Variants in RBSN observed in about 807,000 individuals in gnomAD.
RBSN encodes the protein rabenosyn, RAB effector, also known as rabenosyn-5.
Under a neutral mutation model 60.5 loss-of-function variants are expected in RBSN, and 34 were observed. That is an observed-to-expected ratio of 0.56 (90% confidence interval 0.43 to 0.75). The LOEUF is 0.75. Ranked by LOEUF, RBSN falls within the 30% of genes least tolerant of loss-of-function variation. RBSN has a pLI of 0.00. For missense variants in RBSN, 845 were observed against 986.8 expected, an observed-to-expected ratio of 0.86 and a Z score of 1.92; for synonymous variants, 322 against 366.9, an observed-to-expected ratio of 0.88 and a Z score of 1.40.
At chr3:15,079,538 C>A (rs2043148912) in intron 10 of RBSN, among the ~76,000 whole-genome samples, 1 of 152,000 alleles carries the variant, frequency 6.6e-6, no homozygotes, top group Non-Finnish European at 1.5e-5. Flanking sequence ...TGGAAAAAAC[C>A]CAAATGTTCA....
intron 9 of RBSN, chr3:15,081,174 C>T (rs2043197724): frequency 2.9e-5 from 5 of 172,900 alleles, no homozygotes; most frequent in Non-Finnish European, 6.2e-5. Flanking sequence ...GCCACCACGC[C>T]CGGCTAATTT....
intron 5 of RBSN, among the ~76,000 whole-genome samples, chr3:15,088,013 C>T (rs2043394246): frequency 1.3e-5 from 2 of 152,220 alleles, no homozygotes; most frequent in South Asian, 4.1e-4. Flanking sequence ...TTAGGGGTGA[C>T]CATAAATATT....
intron 4 of RBSN, among the ~76,000 whole-genome samples, chr3:15,095,013 CGT>C (rs1319531682): frequency 2.0e-5 from 3 of 148,450 alleles, no homozygotes; most frequent in Middle Eastern, 8.2e-3. Flanking sequence ...GCATCTTTGG[CGT>C]GTGTGTGTTT....
At chr3:15,089,619 T>C (rs563194058) in intron 5 of RBSN, among the ~76,000 whole-genome samples, 100 of 151,606 alleles carry the variant, frequency 6.6e-4, no homozygotes, top group African/African-American at 2.2e-3. Context: ...TTTTCTTTTT[T>C]TTTTTTCTTG....
Position 15,074,098 on chromosome 3 carries a change from A to G in RBSN, c.2039T>C (p.Ile680Thr). The change falls in exon 14 of 14, where the codon ATT (isoleucine) becomes ACT (threonine). Residue 680 changes from isoleucine (I) to threonine (T), a missense_variant. By Grantham distance (89) the Ile-to-Thr change is moderately conservative. Coordinates refer to ENST00000253699, the MANE Select transcript of RBSN (RefSeq NM_022340.4). This position sits in a 1 kb window ranked among gnomAD's most constrained non-coding sequence, Gnocchi z 6.4. Reference protein sequence around the residue: ...EEEAVAGNPFIQPDSPAPNPF... With the variant: ...EEEAVAGNPFTQPDSPAPNPF... ...GTTAGGAGCTGGGCTGTCTGGCTGAATGAATGGATTCCCTGCCACTGCTTC... is the reference window on the plus strand; with the variant it reads ...GTTAGGAGCTGGGCTGTCTGGCTGAGTGAATGGATTCCCTGCCACTGCTTC... 6.2e-7 allele frequency: 1 copy of G among 1,613,932 alleles called. No individual in the cohort carries two copies. The highest frequency in any genetic ancestry group is 2.2e-5 in the East Asian group (1 of 44,858).
chr3:15,084,224 TTC>T lies in RBSN; in HGVS notation c.598+509_598+510del, dbSNP rs2043280477. Reference sequence around the variant, plus strand: ...GCCTTCACCTCCCAGGTTCAAGCAATTCTCCTGCCTCAGCCTCCTGAGTAGCT... The same window carrying T: ...GCCTTCACCTCCCAGGTTCAAGCAATTCCTGCCTCAGCCTCCTGAGTAGCT... On this transcript the variant is annotated intron_variant, in intron 8 of 13. Coordinates refer to ENST00000253699, the MANE Select transcript of RBSN (RefSeq NM_022340.4). This position sits in a 1 kb window ranked among gnomAD's most constrained non-coding sequence, Gnocchi z 4.2. Among the ~76,000 whole-genome samples the T allele has an allele frequency of 6.6e-6, 1 of 152,210 alleles. No individual in the cohort carries two copies. The highest frequency in any genetic ancestry group is 1.5e-5 in the Non-Finnish European group (1 of 68,034).
chr3:15,087,567 T>C lies in RBSN; in HGVS notation c.290-1606A>G, dbSNP rs191320916. On this transcript the variant is annotated intron_variant, in intron 5 of 13. Transcript: ENST00000253699. ...ACCTTATACAACAGATCTCTTGACTTATTCCTCCCGGCTGAAATTTTGTAT... is the reference window on the plus strand; with the variant it reads ...ACCTTATACAACAGATCTCTTGACTCATTCCTCCCGGCTGAAATTTTGTAT... Among the ~76,000 whole-genome samples the C allele has an allele frequency of 2.6e-5, 4 of 152,290 alleles. No individual in the cohort carries two copies. In the East Asian group the frequency reaches 7.7e-4, roughly 29 times the overall value.
At chr3:15,091,452 G>A (rs116248371) in intron 4 of RBSN, 1,384 of 1,285,890 alleles carry the variant, frequency 1.1e-3, no homozygotes, top group Non-Finnish European at 1.4e-3. Context: ...TTGAATGCAT[G>A]TGAGAATACT....
Position 15,085,981 on chromosome 3 carries a change from G to A in RBSN, c.290-20C>T. 1 of 1,590,808 alleles carries A rather than the reference G, an allele frequency of 6.3e-7. No homozygotes were observed. Among genetic ancestry groups the A allele is most frequent in the Non-Finnish European group, 8.6e-7 (1 of 1,164,328 alleles). ...CAGCACCTAGAGGGAAGGAAGGTAG[G>A]GAGACAAATGACTTATAGTTTCTCT... On this transcript the variant is annotated intron_variant, in intron 5 of 13. Coordinates refer to ENST00000253699, the MANE Select transcript of RBSN (RefSeq NM_022340.4).
At position 15,080,587 on chromosome 3, in the gene RBSN, A is replaced by G; in HGVS notation, c.911+145T>C. On this transcript the variant is annotated intron_variant, in intron 10 of 13. Transcript: ENST00000253699. ...AAGATGATTCTCTTCATAATAGCCA[A>G]AAGTGGAAAAAAACCAACTTCAGCT... 5.4e-6 allele frequency: 4 copies of G among 735,926 alleles called. No individual in the cohort carries two copies. In the South Asian group the frequency reaches 6.8e-5, roughly 13 times the overall value. 45.6% of individuals were successfully genotyped at this position (735,926 alleles called of 1,614,324 possible). A position where few individuals can be genotyped will look rare whatever the true frequency, so the allele number is the denominator to read the frequency against.
At chr3:15,088,828 T>C (rs1200292348) in intron 5 of RBSN, among the ~76,000 whole-genome samples, 2 of 152,248 alleles carry the variant, frequency 1.3e-5, no homozygotes, top group Non-Finnish European at 2.9e-5. Flanking sequence ...TTTTATTTCA[T>C]TTAAATTTAT....
rs2042927664 is a variant in RBSN at position 15,071,563 on chromosome 3, T to C, written c.*2219A>G. The stretch of plus-strand genomic sequence containing the variant: ...TCATTAACACACTCATATGGCTGTT[T>C]GTGAACAGATCCCAAATGCAAAGCG... On this transcript the variant is annotated 3_prime_UTR_variant, in exon 14 of 14. Transcript: ENST00000253699. The C allele has an allele frequency of 6.6e-6, 1 of 152,246 alleles. No homozygotes were observed. The highest frequency in any genetic ancestry group is 2.1e-4 in the South Asian group (1 of 4,834). The allele number at this position is 152,246 out of a possible 1,614,324, so 9.4% of individuals were successfully genotyped here.
At chr3:15,076,473 TA>T (rs1038943861) in intron 12 of RBSN, among the ~76,000 whole-genome samples, 2 of 151,154 alleles carry the variant, frequency 1.3e-5, no homozygotes, top group African/African-American at 2.4e-5. Context: ...TGTTTTAATT[TA>T]AAAAAAAAGA....
At chr3:15,080,458 C>T (rs1478021918) in intron 10 of RBSN, among the ~76,000 whole-genome samples, 2 of 152,128 alleles carry the variant, frequency 1.3e-5, no homozygotes, top group African/African-American at 4.8e-5. Flanking sequence ...GTCTGAGGCC[C>T]TTCCCAAACC....
chr3:15,081,225 G>A (rs1225580892), intron 9 of RBSN: 2 of 159,338 alleles, frequency 1.3e-5, no homozygotes, highest in African/African-American at 4.8e-5. Context: ...ATGTTGGCCA[G>A]GCTGGTCTCG....
At chr3:15,085,327 C>T (rs1357169756) in intron 6 of RBSN, among the ~76,000 whole-genome samples, 21 of 152,170 alleles carry the variant, frequency 1.4e-4, no homozygotes, top group Admixed American at 1.3e-3. Context: ...AGGGCAACGA[C>T]TGAAAGCAAC....
At chr3:15,095,024 TTG>T (rs752017388) in intron 4 of RBSN, among the ~76,000 whole-genome samples, 16 of 146,520 alleles carry the variant, frequency 1.1e-4, no homozygotes, top group African/African-American at 2.0e-4. Flanking sequence ...GTGTGTGTGT[TTG>T]TGTGTGTGTG....
rs1193744392 is a variant in RBSN at position 15,071,626 on chromosome 3, C to G, written c.*2156G>C. 1 of 152,218 alleles carries G rather than the reference C, an allele frequency of 6.6e-6. No homozygotes were observed. The highest frequency in any genetic ancestry group is 1.5e-5 in the Non-Finnish European group (1 of 68,046). 9.4% of individuals were successfully genotyped at this position (152,218 alleles called of 1,614,324 possible). A position where few individuals can be genotyped will look rare whatever the true frequency, so the allele number is the denominator to read the frequency against. On this transcript the variant is annotated 3_prime_UTR_variant, in exon 14 of 14. Coordinates refer to ENST00000253699, the MANE Select transcript of RBSN (RefSeq NM_022340.4). ...TTCTACCCACTCCCCATCTCCACAC[C>G]CCTATACAAGATCTTTTCATTCAAC...
intron 9 of RBSN, among the ~76,000 whole-genome samples, chr3:15,081,834 C>T (rs9845081): frequency 0.21 from 32,437 of 152,156 alleles, 3,745 homozygotes; most frequent in Middle Eastern, 0.3. Flanking sequence ...TCTTTGCACA[C>T]TATTTCCTCT....
Sources: allele counts gnomAD v4.1 joint callset (sites outside exome capture counted in the v4.1 genomes callset), GRCh38; gene constraint gnomAD v4.1.1; non-coding constraint Gnocchi (gnomAD v3.1); transcripts MANE v1.5; gene names NCBI Gene and HGNC (gene_info 2026-07-23, HGNC 2026-07-21).